BMP2K: variants seen among roughly 807,000 people sequenced by gnomAD.
BMP2K encodes BMP2 inducible kinase, also known as BMP-2-inducible protein kinase.
A neutral mutation model predicts 116.0 loss-of-function variants in BMP2K; 74 were observed. The observed-to-expected ratio is 0.64, with a 90% CI of 0.53 to 0.77. The LOEUF (loss-of-function observed/expected upper bound fraction) is 0.77. Ranked by LOEUF, BMP2K falls within the 30% of genes least tolerant of loss-of-function variation. The pLI is 0.00. For synonymous variants in BMP2K, 486 were observed against 502.5 expected (o/e 0.97, Z 0.44); for missense variants, 1,365 against 1,403.6 (o/e 0.97, Z 0.44).
At chr4:78,894,926 C>A (rs1733626374) in intron 15 of BMP2K, among the ~76,000 whole-genome samples, 2 of 152,130 alleles carry the variant, frequency 1.3e-5, no homozygotes, top group South Asian at 4.1e-4. Flanking sequence ...ATAGGGAGAC[C>A]TAAGGAAAGG....
At chr4:78,891,147 C>T (rs1733416587) in intron 15 of BMP2K, among the ~76,000 whole-genome samples, 1 of 152,156 alleles carries the variant, frequency 6.6e-6, no homozygotes, top group Non-Finnish European at 1.5e-5. Flanking sequence ...ATAATTTTCC[C>T]TGTGAGTTTT....
chr4:78,812,623 A>G (rs1729144384), intron 1 of BMP2K, among the ~76,000 whole-genome samples: 1 of 152,188 alleles, frequency 6.6e-6, no homozygotes, highest in African/African-American at 2.4e-5. Context: ...CTGATTCTCT[A>G]AACTCAGGGT....
chr4:78,850,008 G>C (rs569949805), intron 6 of BMP2K, among the ~76,000 whole-genome samples: 1 of 151,688 alleles, frequency 6.6e-6, no homozygotes, highest in Non-Finnish European at 1.5e-5. Context: ...ATAAGGCCAA[G>C]TTTCGGTATT....
intron 1 of BMP2K, among the ~76,000 whole-genome samples, chr4:78,795,439 A>G (rs1728207991): frequency 6.6e-6 from 1 of 152,202 alleles, no homozygotes; most frequent in Non-Finnish European, 1.5e-5. Context: ...CAGATGCTAG[A>G]AGAAAACCTA....
At chr4:78,832,691 TATG>T (rs1469655166) in intron 2 of BMP2K, among the ~76,000 whole-genome samples, 4 of 152,064 alleles carry the variant, frequency 2.6e-5, no homozygotes, top group Admixed American at 6.5e-5. Context: ...TTTTGAGAGA[TATG>T]ATGTATAAGG....
chr4:78,825,702 T>C (rs1237179515), intron 1 of BMP2K, among the ~76,000 whole-genome samples: 1 of 152,220 alleles, frequency 6.6e-6, no homozygotes, highest in Non-Finnish European at 1.5e-5. Context: ...GATTCTGATA[T>C]GTAGGCAGTC....
At chr4:78,806,678 C>T (rs1379015678) in intron 1 of BMP2K, among the ~76,000 whole-genome samples, 3 of 151,976 alleles carry the variant, frequency 2.0e-5, no homozygotes, top group African/African-American at 7.2e-5. Flanking sequence ...AAAAGACATC[C>T]TTGTTCCTGA....
intron 1 of BMP2K, among the ~76,000 whole-genome samples, chr4:78,810,489 C>T (rs1325349499): frequency 6.6e-6 from 1 of 152,198 alleles, no homozygotes; most frequent in Non-Finnish European, 1.5e-5. Context: ...TATACAATTG[C>T]TGCTGATTGT....
At chr4:78,837,233 A>G (rs1432771518) in intron 3 of BMP2K, among the ~76,000 whole-genome samples, 2 of 151,708 alleles carry the variant, frequency 1.3e-5, no homozygotes, top group African/African-American at 2.4e-5. Flanking sequence ...TCTGTCACCT[A>G]AGCTAAAGGG....
intron 2 of BMP2K, among the ~76,000 whole-genome samples, chr4:78,828,905 G>A (rs1343408202): frequency 1.3e-5 from 2 of 152,172 alleles, no homozygotes; most frequent in African/African-American, 2.4e-5. Context: ...AGGAATGGGC[G>A]GGGTAGCTGT....
Position 78,870,825 on chromosome 4 carries a change from A to G in BMP2K, c.1274A>G (p.Gln425Arg). 1.2e-6 allele frequency: 2 copies of G among 1,614,158 alleles called. No homozygotes were observed. The highest frequency in any genetic ancestry group is 1.7e-6 in the Non-Finnish European group (2 of 1,180,002). ...AATGGCCCTGAAATTTTATTGGGTC[A>G]GGGACCTCCTCAGCAGCCGCCACAG... Reference protein sequence around the residue: ...PGNGPEILLGQGPPQQPPQQH... With the variant: ...PGNGPEILLGRGPPQQPPQQH... Residue 425 changes from glutamine to arginine, a missense_variant, in exon 11 of 16, where the codon CAG becomes CGG. Around this residue, in one of 3 missense-constraint regions of BMP2K, gnomAD observed 762 missense variants for 756.7 expected, o/e 1.01. Coordinates refer to ENST00000502613, the MANE Select transcript of BMP2K (RefSeq NM_198892.2).
At chr4:78,800,542 G>T (rs544771608) in intron 1 of BMP2K, among the ~76,000 whole-genome samples, 1 of 152,102 alleles carries the variant, frequency 6.6e-6, no homozygotes. Context: ...TTAATGAGCC[G>T]TATACTGGAA....
At chr4:78,881,593 A>G (rs899957519) in intron 14 of BMP2K, among the ~76,000 whole-genome samples, 1 of 152,120 alleles carries the variant, frequency 6.6e-6, no homozygotes, top group East Asian at 1.9e-4. Flanking sequence ...ATATTTAGTC[A>G]TCTTTAGCAC....
intron 1 of BMP2K, among the ~76,000 whole-genome samples, chr4:78,812,258 T>C (rs1729131460): frequency 6.6e-6 from 1 of 152,218 alleles, no homozygotes; most frequent in Non-Finnish European, 1.5e-5. Flanking sequence ...CGTGAGCCAC[T>C]GTGCCTGGCC....
rs564611781 is a variant in BMP2K at position 78,888,990 on chromosome 4, G to C, written c.2062+1706G>C. Reference sequence around the variant, plus strand: ...TAATCCCAGCACTTTGGGAGGCCAAGGCAGGCGGATCATGAGGTCAGGAGA... The same window carrying C: ...TAATCCCAGCACTTTGGGAGGCCAACGCAGGCGGATCATGAGGTCAGGAGA... On this transcript the variant is annotated intron_variant, in intron 15 of 15. Coordinates refer to ENST00000502613, the MANE Select transcript of BMP2K (RefSeq NM_198892.2). Among the ~76,000 whole-genome samples, 35 of 152,294 alleles carry C rather than the reference G, an allele frequency of 2.3e-4. No individual in the cohort carries two copies. In the South Asian group the frequency reaches 2.7e-3, roughly 12 times the overall value.
intron 1 of BMP2K, among the ~76,000 whole-genome samples, chr4:78,798,573 A>AT (rs1728412870): frequency 6.6e-6 from 1 of 152,234 alleles, no homozygotes; most frequent in Admixed American, 6.5e-5. Flanking sequence ...GTCTTCCAGC[A>AT]TATCACTTTA....
At chr4:78,842,007 C>T (rs759563472) in intron 3 of BMP2K, among the ~76,000 whole-genome samples, 3 of 151,938 alleles carry the variant, frequency 2.0e-5, no homozygotes, top group Non-Finnish European at 2.9e-5. Flanking sequence ...ATTGCTTCTA[C>T]CTTTAGACTG....
rs549309564 is a variant in BMP2K at position 78,806,072 on chromosome 4, A to G, written c.179-19965A>G. ...GATCCTGAGAACATGAGCTCCTACAAATTGCTTTTTAACTAATTATCTTAT... is the reference window on the plus strand; with the variant it reads ...GATCCTGAGAACATGAGCTCCTACAGATTGCTTTTTAACTAATTATCTTAT... On this transcript the variant is annotated intron_variant, in intron 1 of 15. Transcript: ENST00000502613. Among the ~76,000 whole-genome samples, 9 of 152,192 alleles carry G rather than the reference A, an allele frequency of 5.9e-5. No individual in the cohort carries two copies. In the South Asian group the frequency reaches 1.7e-3, roughly 28 times the overall value.
chr4:78,834,539 G>A (rs1730371012), intron 3 of BMP2K, among the ~76,000 whole-genome samples: 1 of 152,146 alleles, frequency 6.6e-6, no homozygotes, highest in South Asian at 2.1e-4. Context: ...GGGATTACAG[G>A]CATGAGCTAC....
Sources: gnomAD v4.1 joint callset for allele counts (sites outside exome capture counted in the v4.1 genomes callset) on GRCh38, gnomAD v4.1.1 for gene constraint, gnomAD v4.1.1 regional missense constraint, MANE v1.5 for transcripts, NCBI Gene and HGNC (gene_info 2026-07-23, HGNC 2026-07-21) for gene names.